CTNND1: variants seen among roughly 807,000 people sequenced by gnomAD.
The protein encoded by CTNND1 is catenin delta 1.
In CTNND1, 16 loss-of-function variants were observed where a neutral mutation model predicts 112.1. The ratio of observed to expected loss-of-function variants is 0.14; its 90% CI spans 0.10 to 0.22. The LOEUF (loss-of-function observed/expected upper bound fraction) is 0.22. Among genes scored for constraint, CTNND1 ranks in the 10% least tolerant of loss-of-function variants. The pLI is 1.00. For missense variants in CTNND1, 1,008 were observed against 1,257.0 expected, an observed-to-expected ratio of 0.80 and a Z score of 3.00; for synonymous variants, 420 against 446.5, an observed-to-expected ratio of 0.94 and a Z score of 0.75.
chr11:57,772,851 TTC>T (rs1235681758), intron 1 of CTNND1, among the ~76,000 whole-genome samples: 4 of 151,692 alleles, frequency 2.6e-5, no homozygotes, highest in African/African-American at 9.7e-5. Context: ...CTCTCCCTCT[TTC>T]TCTCTCTTTC....
chr11:57,768,690 G>A (rs1256797944), intron 1 of CTNND1, among the ~76,000 whole-genome samples: 2 of 152,004 alleles, frequency 1.3e-5, no homozygotes, highest in African/African-American at 4.8e-5. Context: ...ACCAAGCCCA[G>A]CCAGACATCA....
At chr11:57,807,389 T>A (rs1000945042) in intron 12 of CTNND1, among the ~76,000 whole-genome samples, 5 of 152,116 alleles carry the variant, frequency 3.3e-5, no homozygotes, top group Non-Finnish European at 7.4e-5. Context: ...GCAGATCACC[T>A]GAGATCAGGA....
chr11:57,771,848 T>G (rs984258352), intron 1 of CTNND1, among the ~76,000 whole-genome samples: 27 of 152,202 alleles, frequency 1.8e-4, no homozygotes, highest in Admixed American at 1.3e-4. Flanking sequence ...CATAGGTTGA[T>G]TACCTTTGTC....
rs373643406 is a variant in CTNND1, at chr11:57,796,602, G to A, written c.566G>A (p.Gly189Glu). Residue 189 changes from glycine (G) to glutamate (E), a missense_variant, in exon 6 of 21, where the codon GGA (glycine) becomes GAA (glutamate). Physicochemically the swap from Gly to Glu is moderately conservative, Grantham distance 98. Transcript: ENST00000399050. ...GRDFRKNGNG[G>E]PGPYVGQAGT... The stretch of plus-strand genomic sequence containing the variant: ...GATTTCCGCAAGAATGGCAATGGGG[G>A]ACCTGGTCCCTATGTGGGGCAAGCT... 133 of 1,613,866 alleles carry A rather than the reference G, an allele frequency of 8.2e-5. No homozygotes were observed. Among genetic ancestry groups the A allele is most frequent in the Non-Finnish European group, 1.0e-4 (122 of 1,179,896 alleles).
Position 57,796,863 on chromosome 11 carries a change from A to T in CTNND1, c.827A>T (p.His276Leu). The change falls in exon 6 of 21, where the codon CAT becomes CTT. Residue 276 changes from histidine (H) to leucine (L), a missense_variant. Around this residue, in one of 5 missense-constraint regions of CTNND1, gnomAD observed 404 missense variants for 457.9 expected, o/e 0.88. Transcript: ENST00000399050. ...AGCAGCGTGGATCTGCATCGCTTTCATCCAGAGCCTTATGGGCTAGAGGAT... is the reference window on the plus strand; with the variant it reads ...AGCAGCGTGGATCTGCATCGCTTTCTTCCAGAGCCTTATGGGCTAGAGGAT... ...GGSSVDLHRF[H>L]PEPYGLEDDQ... The T allele has an allele frequency of 6.2e-7, 1 of 1,611,450 alleles. No homozygotes were observed. The highest frequency in any genetic ancestry group is 8.5e-7 in the Non-Finnish European group (1 of 1,178,132).
At chr11:57,805,442 C>T (rs1485745171) in intron 9 of CTNND1, among the ~76,000 whole-genome samples, 1 of 151,912 alleles carries the variant, frequency 6.6e-6, no homozygotes, top group Non-Finnish European at 1.5e-5. Flanking sequence ...AGGGTTTCAC[C>T]AGGTTGGTCA....
intron 13 of CTNND1, 24 bp from the exon 14 acceptor site, chr11:57,808,366 A>G: frequency 6.3e-7 from 1 of 1,597,956 alleles, no homozygotes; most frequent in East Asian, 2.3e-5. Flanking sequence ...AATTTGTTCC[A>G]CCCCTTTCTA....
intron 1 of CTNND1, among the ~76,000 whole-genome samples, chr11:57,765,585 G>T (rs1950854042): frequency 6.7e-6 from 1 of 149,768 alleles, no homozygotes; most frequent in African/African-American, 2.5e-5. Context: ...TCCCACCTCA[G>T]TCTTCTGAGT....
chr11:57,796,691 G>A lies in CTNND1; in HGVS notation c.655G>A (p.Asp219Asn). The part of the protein sequence containing the change: ...PPDGYSRHYE[D>N]GYPGGSDNYG... ...TGATGGTTATAGTCGCCACTATGAA[G>A]ATGGTTATCCAGGTGGCAGTGATAA... Residue 219 changes from aspartate to asparagine, a missense_variant, in exon 6 of 21, where the codon GAT becomes AAT. Transcript: ENST00000399050. The A allele has an allele frequency of 6.2e-7, 1 of 1,614,034 alleles. No individual in the cohort carries two copies. Among genetic ancestry groups the A allele is most frequent in the Non-Finnish European group, 8.5e-7 (1 of 1,179,902 alleles).
chr11:57,765,765 G>A lies in CTNND1; in HGVS notation c.-214+3646G>A, dbSNP rs1164018258. On this transcript the variant is annotated intron_variant, in intron 1 of 20. Transcript: ENST00000399050. ...TTATAGGTGTGCCCCACCACACCTG[G>A]CCCTCCCTTATATTTTTAAGCAAAG... Among the ~76,000 whole-genome samples, 3 of 152,220 alleles carry A rather than the reference G, an allele frequency of 2.0e-5. No homozygotes were observed. In the East Asian group the frequency reaches 5.8e-4, roughly 29 times the overall value.
At position 57,791,489 on chromosome 11, in the gene CTNND1, C is replaced by T; in HGVS notation, c.11C>T (p.Ser4Leu). MDD[S>L]EVESTASILA... is the part of the protein sequence containing the mutation. ...CCGCCCCTTACCTTCATGGACGACT[C>T]AGAGGTGGAGTCGACCGCCAGCATC... The change falls in exon 3 of 21, where the codon TCA (serine) becomes TTA (leucine). Residue 4 changes from serine to leucine, a missense_variant. By Grantham distance (145) the Ser-to-Leu change is moderately radical. Transcript: ENST00000399050. The T allele has an allele frequency of 6.5e-7, 1 of 1,544,612 alleles. No homozygotes were observed. Among genetic ancestry groups the T allele is most frequent in the East Asian group, 2.4e-5 (1 of 40,820 alleles).
In CTNND1 at chr11:57,810,226, A is replaced by G. The variant is rs773580019; in HGVS notation, c.2550+3A>G. 1.9e-5 allele frequency: 31 copies of G among 1,596,210 alleles called. No individual in the cohort carries two copies. The highest frequency in any genetic ancestry group is 2.6e-5 in the Non-Finnish European group (30 of 1,172,154). ...GATGGAAGAAATCAGACTTTCAGGTATAGTAACTTTTGAGACCAAGACTTT... is the reference window on the plus strand; with the variant it reads ...GATGGAAGAAATCAGACTTTCAGGTGTAGTAACTTTTGAGACCAAGACTTT... On this transcript the variant is annotated splice_donor_region_variant and intron_variant, in intron 16 of 20. Transcript: ENST00000399050.
At chr11:57,791,255 C>T in intron 2 of CTNND1, 130 bp from the exon 3 acceptor site, 1 of 640,234 alleles carries the variant, frequency 1.6e-6, no homozygotes, top group Middle Eastern at 4.9e-4. Flanking sequence ...GGCTCCCAGG[C>T]TTGGCGGTGG....
chr11:57,796,945 C>T lies in CTNND1; in HGVS notation c.909C>T (p.Gly303=). 2 of 1,543,064 alleles carry T rather than the reference C, an allele frequency of 1.3e-6. No homozygotes were observed. Among genetic ancestry groups the T allele is most frequent in the South Asian group, 1.2e-5 (1 of 81,660 alleles). The change falls in exon 6 of 21, where the codon GGC becomes GGT. Residue 303 remains glycine, a synonymous_variant. Coordinates refer to ENST00000399050, the MANE Select transcript of CTNND1 (RefSeq NM_001085458.2). ...ATTATGGTATGATGTCTGATTATGG[C>T]ACTGCCCGTCGGACTGGGACACCCT... ...DLDYGMMSDY[G]TARRTGTPSD...
chr11:57,764,633 A>T (rs889236521), intron 1 of CTNND1, among the ~76,000 whole-genome samples: 1 of 151,436 alleles, frequency 6.6e-6, no homozygotes, highest in Non-Finnish European at 1.5e-5. Context: ...ATTTCCCACC[A>T]CTGGTTTTTT....
intron 1 of CTNND1, among the ~76,000 whole-genome samples, chr11:57,762,648 G>A (rs1234466955): frequency 6.6e-6 from 1 of 152,208 alleles, no homozygotes; most frequent in African/African-American, 2.4e-5. Context: ...TTCCTGGGTG[G>A]ATCCCTCTTA....
chr11:57,791,728 G>C, intron 3 of CTNND1, 55 bp downstream of exon 3: 2 of 1,457,590 alleles, frequency 1.4e-6, no homozygotes, highest in African/African-American at 1.4e-5. Flanking sequence ...GTCACAGAGA[G>C]GCTATGATCC....
chr11:57,798,032 T>C (rs900997630), intron 6 of CTNND1, among the ~76,000 whole-genome samples: 1 of 151,752 alleles, frequency 6.6e-6, no homozygotes, highest in South Asian at 2.1e-4. Context: ...CCTGGGAATT[T>C]CTTTAGTTTC....
intron 15 of CTNND1, 74 bp from the exon 16 acceptor site, chr11:57,810,035 T>A (rs532309842): frequency 9.2e-7 from 1 of 1,092,638 alleles, no homozygotes; most frequent in South Asian, 1.6e-5. Context: ...TCTTATGTTA[T>A]TAGAGGATAT....
Sources: allele counts gnomAD v4.1 joint callset (sites outside exome capture counted in the v4.1 genomes callset), GRCh38; gene constraint gnomAD v4.1.1; regional missense constraint gnomAD v4.1.1; transcripts MANE v1.5; gene names NCBI Gene and HGNC (gene_info 2026-07-23, HGNC 2026-07-21).